Variants in PAG1 observed in about 807,000 individuals in gnomAD.
The protein encoded by PAG1 is phosphoprotein membrane anchor with glycosphingolipid microdomains 1.
A neutral mutation model predicts 31.7 loss-of-function variants in PAG1; 23 were observed. The observed-to-expected ratio is 0.73, with a 90% CI of 0.52 to 1.03. The LOEUF (loss-of-function observed/expected upper bound fraction) is 1.03. Ranked by LOEUF, PAG1 falls within the 50% of genes least tolerant of loss-of-function variation. The pLI, the probability that PAG1 is intolerant of heterozygous loss-of-function variation, is 0.00. For missense variants in PAG1, 473 were observed against 540.7 expected, an observed-to-expected ratio of 0.87 and a Z score of 1.24; for synonymous variants, 214 against 210.3, an observed-to-expected ratio of 1.02 and a Z score of -0.15.
intron 1 of PAG1, among the ~76,000 whole-genome samples, chr8:81,110,021 A>T (rs1809750162): frequency 6.6e-6 from 1 of 152,176 alleles, no homozygotes. Context: ...TCAACTTCTG[A>T]AATAACATTT....
At chr8:81,028,646 C>A (rs2130779186) in intron 3 of PAG1, among the ~76,000 whole-genome samples, 1 of 152,336 alleles carries the variant, frequency 6.6e-6, no homozygotes, top group African/African-American at 2.4e-5. Context: ...TGACTTACGT[C>A]TACAGTAATG....
intron 1 of PAG1, among the ~76,000 whole-genome samples, 169 bp downstream of exon 1, chr8:81,111,422 G>A (rs943313009): frequency 3.3e-5 from 5 of 152,120 alleles, no homozygotes; most frequent in African/African-American, 1.2e-4. Context: ...AGCCAGCCCT[G>A]GACTCCAGAC....
At chr8:81,018,044 A>G (rs1290141483) in intron 3 of PAG1, among the ~76,000 whole-genome samples, 3 of 152,238 alleles carry the variant, frequency 2.0e-5, no homozygotes, top group African/African-American at 7.2e-5. Flanking sequence ...TATAAAGGAC[A>G]ATGACTGGCT....
At chr8:81,050,524 T>C (rs1045665942) in intron 2 of PAG1, among the ~76,000 whole-genome samples, 1 of 152,074 alleles carries the variant, frequency 6.6e-6, no homozygotes, top group Non-Finnish European at 1.5e-5. Context: ...CCTTCATAAG[T>C]GTAGCTGTCA....
intron 3 of PAG1, among the ~76,000 whole-genome samples, chr8:81,024,416 G>T (rs1266031058): frequency 6.6e-6 from 1 of 152,214 alleles, no homozygotes; most frequent in East Asian, 1.9e-4. Context: ...CCAGGATGGA[G>T]AGAATACTCC....
At chr8:80,995,793 CAT>C (rs138585732) in intron 3 of PAG1, among the ~76,000 whole-genome samples, 131 of 152,302 alleles carry the variant, frequency 8.6e-4, no homozygotes, top group African/African-American at 3.0e-3. Flanking sequence ...CCTTTCTGTA[CAT>C]GTTTCTCTTC....
intron 2 of PAG1, among the ~76,000 whole-genome samples, chr8:81,047,716 T>C (rs973442706): frequency 6.6e-6 from 1 of 152,114 alleles, no homozygotes; most frequent in Non-Finnish European, 1.5e-5. Flanking sequence ...CACAAACAAA[T>C]TTTTACTATG....
chr8:81,100,644 A>T (rs986868649), intron 1 of PAG1, among the ~76,000 whole-genome samples: 1 of 152,234 alleles, frequency 6.6e-6, no homozygotes, highest in Non-Finnish European at 1.5e-5. Context: ...CCGATGGCGG[A>T]CGCATTTCAA....
At chr8:80,987,602 C>A (rs1807452239) in intron 5 of PAG1, 136 bp from the exon 6 acceptor site, 2 of 617,012 alleles carry the variant, frequency 3.2e-6, no homozygotes, top group Non-Finnish European at 5.8e-6. Context: ...CTATAATAGT[C>A]CCCCCTTATC....
At chr8:81,011,990 G>A (rs1040766838) in intron 3 of PAG1, among the ~76,000 whole-genome samples, 8 of 152,150 alleles carry the variant, frequency 5.3e-5, no homozygotes, top group Admixed American at 2.6e-4. Context: ...TCACTTTATC[G>A]GGAGTAACAC....
chr8:81,007,648 A>AG (rs1249512292), intron 3 of PAG1, among the ~76,000 whole-genome samples: 7 of 150,468 alleles, frequency 4.7e-5, no homozygotes, highest in Non-Finnish European at 8.9e-5. Flanking sequence ...AAAAAAAAAA[A>AG]AAAAAAAAAA....
At chr8:80,998,734 C>T (rs1807732179) in intron 3 of PAG1, among the ~76,000 whole-genome samples, 1 of 152,126 alleles carries the variant, frequency 6.6e-6, no homozygotes, top group Admixed American at 6.5e-5. Flanking sequence ...ATGGGATGGC[C>T]AGTGAGATTA....
chr8:81,072,181 T>C (rs1025192411), intron 1 of PAG1, among the ~76,000 whole-genome samples: 5 of 152,224 alleles, frequency 3.3e-5, no homozygotes, highest in Non-Finnish European at 5.9e-5. Flanking sequence ...CTGGAAACTG[T>C]AGTGTGCTTG....
chr8:81,067,661 C>T (rs1041359496), intron 2 of PAG1: 4 of 152,254 alleles, frequency 2.6e-5, no homozygotes, highest in African/African-American at 4.8e-5. Context: ...AATCACCTTA[C>T]AACTTAAGAC....
At position 80,985,001 on chromosome 8, in the gene PAG1, C is replaced by G; in HGVS notation, c.651G>C (p.Gln217His). 2 of 1,614,146 alleles carry G rather than the reference C, an allele frequency of 1.2e-6. No individual in the cohort carries two copies. Among genetic ancestry groups the G allele is most frequent in the Non-Finnish European group, 1.7e-6 (2 of 1,180,032 alleles). ...CAGCAAACTCAGCTTTGCCTTCAGT[C>G]TGGGGCCCTGGGAGCTCTTTCGAGG... Reference protein sequence around the residue: ...TSASKELPGPQTEGKAEFAEY... With the variant: ...TSASKELPGPHTEGKAEFAEY... The change falls in exon 7 of 9, where the codon CAG becomes CAC. Residue 217 changes from glutamine (Q) to histidine (H), a missense_variant. Coordinates refer to ENST00000220597, the MANE Select transcript of PAG1 (RefSeq NM_018440.4).
At chr8:81,089,667 C>G (rs1055925924) in intron 1 of PAG1, among the ~76,000 whole-genome samples, 1 of 151,952 alleles carries the variant, frequency 6.6e-6, no homozygotes, top group Admixed American at 6.6e-5. Flanking sequence ...TTGGATTGTA[C>G]AGTAAACAAA....
intron 1 of PAG1, among the ~76,000 whole-genome samples, chr8:81,087,566 T>G (rs1809380243): frequency 6.6e-6 from 1 of 152,166 alleles, no homozygotes; most frequent in African/African-American, 2.4e-5. Flanking sequence ...TTGAGGAATA[T>G]TCATACAACA....
intron 1 of PAG1, among the ~76,000 whole-genome samples, chr8:81,101,035 A>C (rs13269745): frequency 6.6e-6 from 1 of 152,054 alleles, no homozygotes; most frequent in Admixed American, 6.5e-5. Flanking sequence ...ATAATTCAGG[A>C]TGTGACATGC....
chr8:81,042,068 A>C (rs1263261335), intron 2 of PAG1, among the ~76,000 whole-genome samples: 1 of 152,202 alleles, frequency 6.6e-6, no homozygotes, highest in African/African-American at 2.4e-5. Context: ...TACTTTGCTA[A>C]CTTCTGTGAT....
Sources: gnomAD v4.1 joint callset for allele counts (sites outside exome capture counted in the v4.1 genomes callset) on GRCh38, gnomAD v4.1.1 for gene constraint, MANE v1.5 for transcripts, NCBI Gene and HGNC (gene_info 2026-07-23, HGNC 2026-07-21) for gene names.